TAS2R1: variants seen among roughly 807,000 people sequenced by gnomAD.
TAS2R1 encodes the protein taste receptor type 2 member 1.
For synonymous variants in TAS2R1, 141 were observed against 134.2 expected (o/e 1.05, Z -0.35); for missense variants, 370 against 353.4 (o/e 1.05, Z -0.38).
chr5:9,745,175 T>C, the TAS2R1 span, among the ~76,000 whole-genome samples: 2 of 152,074 alleles, frequency 1.3e-5, no homozygotes, highest in African/African-American at 4.8e-5. Context: ...TAGGCAAAAG[T>C]AGATGAATTC....
At chr5:9,745,051 T>C in the TAS2R1 span, among the ~76,000 whole-genome samples, 1 of 152,080 alleles carries the variant, frequency 6.6e-6, no homozygotes, top group Non-Finnish European at 1.5e-5. Context: ...AAACTTACTG[T>C]GGGTACATTG....
chr5:9,692,839 CT>C (rs1368111387), intron 1 of TAS2R1, among the ~76,000 whole-genome samples: 3 of 152,162 alleles, frequency 2.0e-5, no homozygotes, highest in Admixed American at 6.5e-5. Context: ...CTGGCCATAT[CT>C]TTTTTTTCCC....
upstream of TAS2R1, among the ~76,000 whole-genome samples, chr5:9,634,758 G>A (rs1041783900): frequency 6.6e-6 from 1 of 152,014 alleles, no homozygotes; most frequent in African/African-American, 2.4e-5. Context: ...CCCATTATTG[G>A]TGCATAGCAG....
At chr5:9,854,573 A>G in the TAS2R1 span, 1 of 152,198 alleles carries the variant, frequency 6.6e-6, no homozygotes, top group Non-Finnish European at 1.5e-5. Context: ...AGATTCAATA[A>G]TATGTTCAAA....
chr5:9,695,677 T>C (rs1410976120), intron 1 of TAS2R1, among the ~76,000 whole-genome samples: 1 of 152,084 alleles, frequency 6.6e-6, no homozygotes, highest in Non-Finnish European at 1.5e-5. Flanking sequence ...GGATGGCCTC[T>C]GGAAGGAAAA....
the TAS2R1 span, among the ~76,000 whole-genome samples, chr5:9,784,858 A>G: frequency 6.6e-6 from 1 of 152,150 alleles, no homozygotes; most frequent in Non-Finnish European, 1.5e-5. Context: ...TTAGGGGTCC[A>G]CCCTACTCTA....
At chr5:9,742,370 C>T in the TAS2R1 span, among the ~76,000 whole-genome samples, 2 of 152,106 alleles carry the variant, frequency 1.3e-5, no homozygotes, top group South Asian at 4.1e-4. Flanking sequence ...AAGTTCCATG[C>T]AGAACACACA....
chr5:9,779,592 A>G, the TAS2R1 span, among the ~76,000 whole-genome samples: 3 of 152,228 alleles, frequency 2.0e-5, no homozygotes, highest in African/African-American at 4.8e-5. Flanking sequence ...TGGTCAGTGG[A>G]GAAATCAGAA....
chr5:9,734,942 TG>T, the TAS2R1 span, among the ~76,000 whole-genome samples: 1 of 151,564 alleles, frequency 6.6e-6, no homozygotes, highest in Admixed American at 6.6e-5. Context: ...AAGAACTACC[TG>T]AGACTGAGTA....
At chr5:9,812,525 T>A in the TAS2R1 span, among the ~76,000 whole-genome samples, 1 of 151,878 alleles carries the variant, frequency 6.6e-6, no homozygotes, top group South Asian at 2.1e-4. Flanking sequence ...AAGTCACAGA[T>A]GAGAATGAAA....
At chr5:9,841,711 A>G in the TAS2R1 span, among the ~76,000 whole-genome samples, 5 of 152,124 alleles carry the variant, frequency 3.3e-5, no homozygotes, top group Admixed American at 1.3e-4. Context: ...TGGCCAGTCT[A>G]CCTGGGCCAT....
intron 2 of TAS2R1, among the ~76,000 whole-genome samples, chr5:9,642,903 C>A (rs1740115253): frequency 6.6e-6 from 1 of 152,112 alleles, no homozygotes; most frequent in Admixed American, 6.6e-5. Context: ...AAACTGAGTT[C>A]CTCCGTGGAA....
the TAS2R1 span, among the ~76,000 whole-genome samples, chr5:9,857,580 G>C: frequency 2.6e-4 from 40 of 152,264 alleles, no homozygotes; most frequent in African/African-American, 9.4e-4. Context: ...CTTAAAAGTT[G>C]AAGGAAAATA....
At chr5:9,644,283 AGG>A (rs972249595) in intron 2 of TAS2R1, among the ~76,000 whole-genome samples, 22 of 152,298 alleles carry the variant, frequency 1.4e-4, no homozygotes, top group East Asian at 1.2e-3. Context: ...TAACAACTAA[AGG>A]CTGTTGCAGT....
At chr5:9,715,240 C>T (rs1417833498), upstream of TAS2R1, among the ~76,000 whole-genome samples, 2 of 152,310 alleles carry the variant, frequency 1.3e-5, no homozygotes, top group Middle Eastern at 3.4e-3. Flanking sequence ...AGACTGCTGC[C>T]TCTCCTATTC....
chr5:9,715,643 C>T (rs1484001396), upstream of TAS2R1, among the ~76,000 whole-genome samples: 3 of 152,138 alleles, frequency 2.0e-5, no homozygotes, highest in African/African-American at 7.2e-5. Flanking sequence ...AGTCTGTTTT[C>T]CCCCAACCCC....
chr5:9,709,119 C>A, intron 1 of TAS2R1, among the ~76,000 whole-genome samples: 1 of 151,182 alleles, frequency 6.6e-6, no homozygotes, highest in East Asian at 1.9e-4. Flanking sequence ...TGCAGCAAAC[C>A]ACCATGGCAC....
At chr5:9,655,663 G>A (rs1740402595) in intron 2 of TAS2R1, among the ~76,000 whole-genome samples, 1 of 151,918 alleles carries the variant, frequency 6.6e-6, no homozygotes, top group South Asian at 2.1e-4. Context: ...TATAGAAATA[G>A]GTAGAAAATA....
At chr5:9,697,842 T>C (rs1741394490) in intron 1 of TAS2R1, among the ~76,000 whole-genome samples, 1 of 152,104 alleles carries the variant, frequency 6.6e-6, no homozygotes, top group Non-Finnish European at 1.5e-5. Flanking sequence ...AAAATAATCA[T>C]TGTTATTATT....
Sources: gnomAD v4.1 joint callset for allele counts (sites outside exome capture counted in the v4.1 genomes callset) on GRCh38, gnomAD v4.1.1 for gene constraint, MANE v1.5 for transcripts, NCBI Gene and HGNC (gene_info 2026-07-23, HGNC 2026-07-21) for gene names.